PPP1R21: variants seen among roughly 807,000 people sequenced by gnomAD.
PPP1R21 encodes KLRAQ motif containing 1.
Under a neutral mutation model 112.8 loss-of-function variants are expected in PPP1R21, and 85 were observed. The observed-to-expected ratio is 0.75, with a 90% CI of 0.63 to 0.90. The LOEUF (loss-of-function observed/expected upper bound fraction) is 0.90. Among genes scored for constraint, PPP1R21 ranks in the 40% least tolerant of loss-of-function variants. The probability of loss-of-function intolerance (pLI) is 0.00; values close to 1 mark genes in which losing one functional copy is unlikely to be tolerated. For missense variants in PPP1R21, 1,199 were observed against 901.5 expected, an observed-to-expected ratio of 1.33 and a Z score of -4.23; for synonymous variants, 381 against 322.3, an observed-to-expected ratio of 1.18 and a Z score of -1.95.
At position 48,460,021 on chromosome 2, in the gene PPP1R21, G is replaced by A. The variant is rs1259904428; in HGVS notation, c.541-74G>A. The A allele has an allele frequency of 3.1e-6, 5 of 1,594,428 alleles. No homozygotes were observed. The Admixed American group carries it at 8.6e-5, about 27-fold the overall frequency. On this transcript the variant is annotated intron_variant, in intron 5 of 21. Coordinates refer to ENST00000294952, the MANE Select transcript of PPP1R21 (RefSeq NM_001135629.3). ...GTCATTTCTGGTGAGACTTTTGCCT[G>A]CAGGGTCTTACTAAGTGTGCTCCTA...
intron 12 of PPP1R21, among the ~76,000 whole-genome samples, chr2:48,478,265 A>G (rs143288711): frequency 5.9e-5 from 9 of 152,372 alleles, no homozygotes; most frequent in African/African-American, 2.2e-4. Flanking sequence ...ACTTCATTAC[A>G]GCAGCACTAG....
At chr2:48,471,802 T>C (rs1459890167) in intron 11 of PPP1R21, among the ~76,000 whole-genome samples, 2 of 152,344 alleles carry the variant, frequency 1.3e-5, no homozygotes, top group East Asian at 1.9e-4. Context: ...TATTCTACTT[T>C]AAATATTTCT....
chr2:48,493,793 T>C (rs1669677725), intron 15 of PPP1R21, among the ~76,000 whole-genome samples: 1 of 152,164 alleles, frequency 6.6e-6, no homozygotes, highest in Admixed American at 6.5e-5. Context: ...TTATGTATGC[T>C]TTTGTTCGTT....
chr2:48,488,344 T>C (rs11125173), intron 14 of PPP1R21, among the ~76,000 whole-genome samples: 21,620 of 151,992 alleles, frequency 0.14, 2,036 homozygotes, highest in East Asian at 0.46. Flanking sequence ...ATGTTGGTAT[T>C]TTATGAGTCT....
At chr2:48,495,046 ATACTG>A (rs1250620515) in intron 15 of PPP1R21, among the ~76,000 whole-genome samples, 1 of 152,184 alleles carries the variant, frequency 6.6e-6, no homozygotes, top group Non-Finnish European at 1.5e-5. Context: ...AACTTACTGA[ATACTG>A]TACTGAAAGT....
At chr2:48,467,143 C>G (rs1262914128) in intron 9 of PPP1R21, among the ~76,000 whole-genome samples, 1 of 152,112 alleles carries the variant, frequency 6.6e-6, no homozygotes, top group Non-Finnish European at 1.5e-5. Flanking sequence ...GAGTGGGAGA[C>G]ACACTGCTTA....
intron 12 of PPP1R21, chr2:48,479,585 A>C (rs1486680193): frequency 2.0e-6 from 1 of 511,250 alleles, no homozygotes; most frequent in South Asian, 1.5e-5. Context: ...TGTTCAGCAA[A>C]TAATGTGTAG....
chr2:48,488,142 T>G (rs529523205), intron 14 of PPP1R21, among the ~76,000 whole-genome samples: 90 of 152,312 alleles, frequency 5.9e-4, no homozygotes, highest in African/African-American at 2.0e-3. Context: ...GACCACTTGC[T>G]ATAGCTTGGG....
At chr2:48,489,884 A>T (rs1260762204) in intron 14 of PPP1R21, among the ~76,000 whole-genome samples, 1 of 152,058 alleles carries the variant, frequency 6.6e-6, no homozygotes, top group Non-Finnish European at 1.5e-5. Flanking sequence ...TCTCTACTAA[A>T]AGTACAAAAA....
chr2:48,459,559 A>T (rs530343967), intron 4 of PPP1R21, among the ~76,000 whole-genome samples, 195 bp from the exon 5 acceptor site: 1 of 152,202 alleles, frequency 6.6e-6, no homozygotes, highest in African/African-American at 2.4e-5. Flanking sequence ...TTGAGTTTCC[A>T]TATTTGTAAA....
At chr2:48,501,636 A>G (rs1178596489) in intron 17 of PPP1R21, among the ~76,000 whole-genome samples, 1 of 152,176 alleles carries the variant, frequency 6.6e-6, no homozygotes, top group South Asian at 2.1e-4. Flanking sequence ...GTCAGAAAAC[A>G]GAATAGCCGA....
At chr2:48,465,081 T>C in intron 8 of PPP1R21, 92 bp downstream of exon 8, 1 of 959,898 alleles carries the variant, frequency 1.0e-6, no homozygotes, top group Non-Finnish European at 1.6e-6. Flanking sequence ...CTCTGTTTAG[T>C]GCATTCAGTC....
At chr2:48,514,682 ATG>A in intron 21 of PPP1R21, 31 bp from the exon 22 acceptor site, 4 of 1,448,588 alleles carry the variant, frequency 2.8e-6, no homozygotes, top group Non-Finnish European at 3.9e-6. Flanking sequence ...TTTTATGTTT[ATG>A]TTCTTATTGT....
chr2:48,482,124 G>A (rs1048805319), intron 13 of PPP1R21, among the ~76,000 whole-genome samples: 16 of 152,182 alleles, frequency 1.1e-4, no homozygotes, highest in Admixed American at 2.6e-4. Context: ...TCTATTGGTT[G>A]ATAGGTTGGT....
Position 48,461,123 on chromosome 2 carries a change from T to C in PPP1R21, c.600-15T>C. The C allele has an allele frequency of 6.4e-7, 1 of 1,555,482 alleles. No homozygotes were observed. The highest frequency in any genetic ancestry group is 8.7e-7 in the Non-Finnish European group (1 of 1,153,194). ...TTGGTGATAATGTGGTTTTGTATTT[T>C]TTTTTTTTTTGCAGTCAATTACAGT... On this transcript the variant is annotated splice_polypyrimidine_tract_variant and intron_variant, in intron 6 of 21. Coordinates refer to ENST00000294952, the MANE Select transcript of PPP1R21 (RefSeq NM_001135629.3).
chr2:48,462,591 GT>G (rs1389254143), intron 7 of PPP1R21, among the ~76,000 whole-genome samples: 3 of 152,172 alleles, frequency 2.0e-5, no homozygotes, highest in African/African-American at 4.8e-5. Context: ...CTCAGGAGCA[GT>G]AATCCAGTAT....
At chr2:48,472,015 G>A (rs1471424950) in intron 11 of PPP1R21, among the ~76,000 whole-genome samples, 1 of 151,886 alleles carries the variant, frequency 6.6e-6, no homozygotes, top group East Asian at 1.9e-4. Context: ...TGAGGTGGGT[G>A]GATCACTTGA....
chr2:48,488,003 C>T (rs950378121), intron 14 of PPP1R21, among the ~76,000 whole-genome samples: 1 of 152,140 alleles, frequency 6.6e-6, no homozygotes, highest in African/African-American at 2.4e-5. Flanking sequence ...TCTTTATATA[C>T]TATTCTGCTT....
chr2:48,510,504 T>G (rs1208800032), intron 20 of PPP1R21, among the ~76,000 whole-genome samples: 1 of 152,246 alleles, frequency 6.6e-6, no homozygotes, highest in African/African-American at 2.4e-5. Flanking sequence ...CATTCCTTCT[T>G]ACTCACTGCC....
Sources: allele counts gnomAD v4.1 joint callset (sites outside exome capture counted in the v4.1 genomes callset), GRCh38; gene constraint gnomAD v4.1.1; transcripts MANE v1.5; gene names NCBI Gene and HGNC (gene_info 2026-07-23, HGNC 2026-07-21).